CHCHD6: variants seen among roughly 807,000 people sequenced by gnomAD.
CHCHD6 encodes coiled-coil-helix-coiled-coil-helix domain containing 6.
CHCHD6 carries 28 observed loss-of-function variants against 32.3 expected under a neutral mutation model. The observed-to-expected ratio is 0.87, with a 90% CI of 0.64 to 1.19. The LOEUF is 1.19. Among genes scored for constraint, CHCHD6 ranks in the 50% most tolerant of loss-of-function variants. CHCHD6 has a pLI of 0.00. For synonymous variants in CHCHD6, 122 were observed against 117.5 expected (o/e 1.04, Z -0.25); for missense variants, 333 against 307.0 (o/e 1.08, Z -0.63).
chr3:126,764,098 AT>A (rs901842009), intron 4 of CHCHD6, among the ~76,000 whole-genome samples: 35 of 150,428 alleles, frequency 2.3e-4, no homozygotes, highest in Admixed American at 2.1e-3. Context: ...TAGATTTATA[AT>A]TTTTTTGTTT....
At chr3:126,868,234 G>T (rs576160736) in intron 5 of CHCHD6, among the ~76,000 whole-genome samples, 2 of 152,352 alleles carry the variant, frequency 1.3e-5, no homozygotes, top group African/African-American at 4.8e-5. Context: ...TCTGCAGTCA[G>T]GACAGACTGC....
At chr3:126,843,247 G>A (rs564040240) in intron 4 of CHCHD6, among the ~76,000 whole-genome samples, 30 of 152,188 alleles carry the variant, frequency 2.0e-4, no homozygotes, top group African/African-American at 6.3e-4. Flanking sequence ...TCCTGCTGGC[G>A]TAAACCCTAG....
intron 4 of CHCHD6, among the ~76,000 whole-genome samples, chr3:126,748,467 C>T (rs1172782652): frequency 6.6e-6 from 1 of 151,852 alleles, no homozygotes; most frequent in Non-Finnish European, 1.5e-5. Flanking sequence ...TGGTGGTGGG[C>T]GCTGGTAATC....
At position 126,951,462 on chromosome 3, in the gene CHCHD6, G is replaced by A. The variant is rs140876454; in HGVS notation, c.567-5954G>A. 4.6e-5 allele frequency among the ~76,000 whole-genome samples: 7 copies of A among 152,300 alleles called. No homozygotes were observed. In the East Asian group the frequency reaches 1.2e-3, roughly 25 times the overall value. On this transcript the variant is annotated intron_variant, in intron 6 of 7. Coordinates refer to ENST00000290913, the MANE Select transcript of CHCHD6 (RefSeq NM_032343.3). ...AAGCTTCACGTGGATTGGAAGGGAG[G>A]TTGCTCAGAGGCATGTCATGAGTGG...
intron 4 of CHCHD6, among the ~76,000 whole-genome samples, chr3:126,835,280 C>G (rs1464884817): frequency 2.0e-5 from 3 of 152,160 alleles, no homozygotes; most frequent in Non-Finnish European, 2.9e-5. Flanking sequence ...CCACACAGCC[C>G]CGATCCCTCC....
chr3:126,950,529 G>A lies in CHCHD6; in HGVS notation c.567-6887G>A, dbSNP rs2078701394. ...TGCAGTGGCACGCTCTCTGCTCACT[G>A]CACACCTGCCTCCTGGGTGCAAGTG... On this transcript the variant is annotated intron_variant, in intron 6 of 7. Coordinates refer to ENST00000290913, the MANE Select transcript of CHCHD6 (RefSeq NM_032343.3). Among the ~76,000 whole-genome samples the A allele has an allele frequency of 2.0e-5, 3 of 152,314 alleles. No homozygotes were observed. The South Asian group carries it at 6.2e-4, about 32-fold the overall frequency.
intron 7 of CHCHD6, among the ~76,000 whole-genome samples, chr3:126,958,385 G>A (rs374073597): frequency 7.2e-5 from 11 of 152,208 alleles, no homozygotes; most frequent in African/African-American, 2.4e-4. Context: ...ACAACAGGAC[G>A]AGGTCTCCTT....
At chr3:126,862,766 TCAC>T (rs1941987576) in intron 5 of CHCHD6, among the ~76,000 whole-genome samples, 1 of 3,616 alleles carries the variant, frequency 2.8e-4, no homozygotes. Flanking sequence ...TCCTCCACCA[TCAC>T]CACCTCCTCC....
intron 6 of CHCHD6, among the ~76,000 whole-genome samples, chr3:126,929,311 G>C (rs2078369093): frequency 6.6e-6 from 1 of 152,170 alleles, no homozygotes; most frequent in Non-Finnish European, 1.5e-5. Flanking sequence ...TCTGGTGGCT[G>C]ATCTCTGTCA....
chr3:126,809,546 C>T (rs1939566164), intron 4 of CHCHD6, among the ~76,000 whole-genome samples: 2 of 152,216 alleles, frequency 1.3e-5, no homozygotes, highest in Non-Finnish European at 2.9e-5. Flanking sequence ...TTAGTTTTCA[C>T]TCAGAATTGT....
In CHCHD6 at chr3:126,786,106, C is replaced by T. The variant is rs181129829; in HGVS notation, c.411+52884C>T. 5.8e-3 allele frequency among the ~76,000 whole-genome samples: 890 copies of T among 152,260 alleles called. 8 individuals are homozygous for T. Among genetic ancestry groups the T allele is most frequent in the African/African-American group, 0.02 (837 of 41,534 alleles). On this transcript the variant is annotated intron_variant, in intron 4 of 7. Coordinates refer to ENST00000290913, the MANE Select transcript of CHCHD6 (RefSeq NM_032343.3). ...GGTTTTTTGTTCTTGTGATAGTTTG[C>T]TGAGAATGATGGTTTCCAGCTTCAT...
intron 4 of CHCHD6, among the ~76,000 whole-genome samples, chr3:126,739,930 G>A (rs1255264278): frequency 6.6e-6 from 1 of 152,138 alleles, no homozygotes; most frequent in Non-Finnish European, 1.5e-5. Flanking sequence ...GATTGGTGCT[G>A]GTCATCATAT....
intron 4 of CHCHD6, among the ~76,000 whole-genome samples, chr3:126,832,379 A>G (rs1047096615): frequency 6.6e-6 from 1 of 152,040 alleles, no homozygotes; most frequent in Non-Finnish European, 1.5e-5. Context: ...TGGTTCAGCA[A>G]TGGCAGAGCA....
At chr3:126,872,244 A>T (rs180845373) in intron 5 of CHCHD6, among the ~76,000 whole-genome samples, 10 of 152,208 alleles carry the variant, frequency 6.6e-5, no homozygotes, top group African/African-American at 2.4e-4. Context: ...TTAGCACAAA[A>T]TGTTGACAGT....
At chr3:126,796,273 C>T (rs924465636) in intron 4 of CHCHD6, among the ~76,000 whole-genome samples, 2 of 152,150 alleles carry the variant, frequency 1.3e-5, no homozygotes, top group Non-Finnish European at 2.9e-5. Context: ...TGGCTTGAGG[C>T]TAAGAGTTCA....
chr3:126,835,833 C>A, intron 4 of CHCHD6, among the ~76,000 whole-genome samples: 1 of 152,236 alleles, frequency 6.6e-6, no homozygotes, highest in East Asian at 1.9e-4. Flanking sequence ...CCTTGCCTCC[C>A]TCACAGGCAG....
At position 126,914,727 on chromosome 3, in the gene CHCHD6, C is replaced by T; in HGVS notation, c.543C>T (p.Ala181=). 10 of 1,589,046 alleles carry T rather than the reference C, an allele frequency of 6.3e-6. No individual in the cohort carries two copies. The highest frequency in any genetic ancestry group is 8.6e-6 in the Non-Finnish European group (10 of 1,157,078). Residue 181 remains alanine, a synonymous_variant, in exon 6 of 8, where the codon GCC becomes GCT. Transcript: ENST00000290913. ...CTTCAGAGCAATTCCATGAGGCAGC[C>T]TCAAAGATGGAGAGCACAATAAAGT... The part of the protein sequence containing the change: ...KLSSEQFHEA[A]SKMESTIKPR...
chr3:126,771,663 T>A (rs899497046), intron 4 of CHCHD6, among the ~76,000 whole-genome samples: 4 of 152,238 alleles, frequency 2.6e-5, no homozygotes, highest in Non-Finnish European at 4.4e-5. Flanking sequence ...ATTTAGGTTA[T>A]TTTTTGTCTT....
chr3:126,941,561 T>G (rs971506641), intron 6 of CHCHD6, among the ~76,000 whole-genome samples: 2 of 152,180 alleles, frequency 1.3e-5, no homozygotes, highest in Non-Finnish European at 2.9e-5. Context: ...GACTCTTTTT[T>G]TGGGGGATAA....
Sources: gnomAD v4.1 joint callset for allele counts (sites outside exome capture counted in the v4.1 genomes callset) on GRCh38, gnomAD v4.1.1 for gene constraint, MANE v1.5 for transcripts, NCBI Gene and HGNC (gene_info 2026-07-23, HGNC 2026-07-21) for gene names.